FOCAD: variants seen among roughly 807,000 people sequenced by gnomAD.
The protein encoded by FOCAD is focadhesin.
Under a neutral mutation model 225.6 loss-of-function variants are expected in FOCAD, and 198 were observed. That is an observed-to-expected ratio of 0.88 (90% CI 0.78 to 0.99). FOCAD has a LOEUF of 0.99. Ranked by LOEUF, FOCAD falls within the 50% of genes least tolerant of loss-of-function variation. The pLI, the probability that FOCAD is intolerant of heterozygous loss-of-function variation, is 0.00. For missense variants in FOCAD, 2,713 were observed against 2,123.6 expected (o/e 1.28, Z -5.46); for synonymous variants, 897 against 755.0 (o/e 1.19, Z -3.08).
At chr9:20,893,821 C>T (rs1337098045) in intron 21 of FOCAD, among the ~76,000 whole-genome samples, 12 of 152,040 alleles carry the variant, frequency 7.9e-5, no homozygotes, top group Non-Finnish European at 7.4e-5. Context: ...CCCATTATCC[C>T]CCACCAGAGT....
chr9:20,688,100 A>G (rs1388568637), intron 1 of FOCAD, among the ~76,000 whole-genome samples: 1 of 152,228 alleles, frequency 6.6e-6, no homozygotes, highest in Non-Finnish European at 1.5e-5. Context: ...GTAAATAATG[A>G]AAGTTCTCTT....
chr9:20,865,394 G>A (rs1372798299), intron 16 of FOCAD, among the ~76,000 whole-genome samples: 2 of 152,072 alleles, frequency 1.3e-5, no homozygotes, highest in African/African-American at 4.8e-5. Context: ...GAAGACCACC[G>A]ACTGTTGGAA....
chr9:20,688,903 A>G (rs754621968), intron 1 of FOCAD, among the ~76,000 whole-genome samples: 13 of 152,256 alleles, frequency 8.5e-5, no homozygotes, highest in Non-Finnish European at 1.8e-4. Flanking sequence ...AAAATTCAGT[A>G]GAACCAGAGA....
At chr9:20,842,976 C>G (rs1416691337) in intron 15 of FOCAD, among the ~76,000 whole-genome samples, 1 of 151,824 alleles carries the variant, frequency 6.6e-6, no homozygotes, top group African/African-American at 2.4e-5. Context: ...TCTGTAAAAA[C>G]AAACAAATCT....
intron 35 of FOCAD, among the ~76,000 whole-genome samples, chr9:20,974,847 T>C (rs1438921465): frequency 2.6e-5 from 4 of 152,226 alleles, no homozygotes; most frequent in Non-Finnish European, 5.9e-5. Flanking sequence ...GTTTGCTGAC[T>C]CTGGCTCCAC....
chr9:20,702,266 C>A (rs985087028), intron 1 of FOCAD, among the ~76,000 whole-genome samples: 16 of 152,024 alleles, frequency 1.1e-4, no homozygotes, highest in Admixed American at 3.3e-4. Flanking sequence ...CCATGCCCAG[C>A]TAATTTTTAA....
chr9:20,666,259 T>C (rs1411409485), intron 2 of FOCAD, among the ~76,000 whole-genome samples: 1 of 152,156 alleles, frequency 6.6e-6, no homozygotes, highest in Admixed American at 6.5e-5. Context: ...AGACCATAAA[T>C]ATTACATATA....
chr9:20,867,769 G>A (rs558507533), intron 18 of FOCAD, among the ~76,000 whole-genome samples: 3 of 152,112 alleles, frequency 2.0e-5, no homozygotes, highest in Admixed American at 1.3e-4. Context: ...ATGAAGTTAC[G>A]TGTAACATTA....
chr9:20,869,577 A>C (rs1002725612), intron 18 of FOCAD, among the ~76,000 whole-genome samples: 3 of 152,170 alleles, frequency 2.0e-5, no homozygotes, highest in South Asian at 2.1e-4. Flanking sequence ...AGTACATTTA[A>C]GGTAATGTAC....
intron 15 of FOCAD, among the ~76,000 whole-genome samples, chr9:20,850,042 C>T (rs1226442761): frequency 1.3e-5 from 2 of 151,518 alleles, no homozygotes; most frequent in Non-Finnish European, 3.0e-5. Flanking sequence ...GATTACTTTC[C>T]AATATTTGTA....
intron 4 of FOCAD, among the ~76,000 whole-genome samples, chr9:20,727,018 T>G (rs1014277388): frequency 6.6e-5 from 10 of 152,186 alleles, no homozygotes; most frequent in Non-Finnish European, 1.3e-4. Context: ...GAATTTGATG[T>G]GGTTTCAAGG....
At chr9:20,676,264 A>C (rs1024716918) in intron 2 of FOCAD, among the ~76,000 whole-genome samples, 1 of 152,198 alleles carries the variant, frequency 6.6e-6, no homozygotes, top group Non-Finnish European at 1.5e-5. Context: ...AATTCTGCAA[A>C]CTTTTGTCAA....
intron 2 of FOCAD, among the ~76,000 whole-genome samples, chr9:20,667,972 G>A (rs369248128): frequency 1.6e-4 from 24 of 152,060 alleles, no homozygotes; most frequent in African/African-American, 4.3e-4. Context: ...AGGTTTAAGC[G>A]TGTTTGGACA....
chr9:20,713,776 A>AT (rs1458998451), intron 1 of FOCAD, among the ~76,000 whole-genome samples: 1 of 152,052 alleles, frequency 6.6e-6, no homozygotes, highest in Non-Finnish European at 1.5e-5. Context: ...CCATGGAGAT[A>AT]TTTTTTTCCT....
chr9:20,926,640 G>A lies in FOCAD; in HGVS notation c.3078+223G>A, dbSNP rs368292558. ...CTCTACTAAAAACACAAAATTAGCC[G>A]GGCGTGGTGGCACATGCCTGTAATC... is the stretch of plus-strand genomic sequence containing the variant. On this transcript the variant is annotated intron_variant, in intron 26 of 43. Transcript: ENST00000338382. 1.8e-4 allele frequency among the ~76,000 whole-genome samples: 27 copies of A among 152,034 alleles called. No homozygotes were observed. In the East Asian group the frequency reaches 4.6e-3, roughly 26 times the overall value.
At chr9:20,862,750 A>T (rs1248561510) in intron 16 of FOCAD, 38 bp downstream of exon 16, 2 of 1,586,348 alleles carry the variant, frequency 1.3e-6, no homozygotes, top group Non-Finnish European at 1.7e-6. Flanking sequence ...CTGCTTCTTC[A>T]TGGGAAAGAT....
At chr9:20,929,247 C>T (rs1358721744) in intron 26 of FOCAD, 111 bp from the exon 27 acceptor site, 6 of 754,172 alleles carry the variant, frequency 8.0e-6, no homozygotes, top group South Asian at 1.9e-5. Context: ...TTTTGGGTGT[C>T]GGCCGGGGTG....
At position 20,976,417 on chromosome 9, in the gene FOCAD, T is replaced by C. The variant is rs781527587; in HGVS notation, c.4133-3T>C. The stretch of plus-strand genomic sequence containing the variant: ...TACTATTATTTTTCACTGTCTGTTA[T>C]AGGTCCTGAATCTGTGCCTCCTTCC... On this transcript the variant is annotated splice_region_variant and splice_polypyrimidine_tract_variant and intron_variant, in intron 35 of 43. Transcript: ENST00000338382. 1 of 1,612,696 alleles carries C rather than the reference T, an allele frequency of 6.2e-7. No homozygotes were observed.
intron 5 of FOCAD, among the ~76,000 whole-genome samples, chr9:20,757,362 A>G (rs1044123362): frequency 6.6e-6 from 1 of 152,246 alleles, no homozygotes. Context: ...AACTATTTAA[A>G]ATAACTCATG....
Sources: allele counts gnomAD v4.1 joint callset (sites outside exome capture counted in the v4.1 genomes callset), GRCh38; gene constraint gnomAD v4.1.1; transcripts MANE v1.5; gene names NCBI Gene and HGNC (gene_info 2026-07-23, HGNC 2026-07-21).